The following WDPCP variants were observed in gnomAD, a reference collection of about 807,000 sequenced individuals.
The protein encoded by WDPCP is WD repeat containing planar cell polarity effector.
Under a neutral mutation model 93.1 loss-of-function variants are expected in WDPCP, and 71 were observed. That is an observed-to-expected ratio of 0.76 (90% CI 0.63 to 0.93). WDPCP has a LOEUF of 0.93. Ranked by LOEUF, WDPCP falls within the 40% of genes least tolerant of loss-of-function variation. The pLI is 0.00. For missense variants in WDPCP, 844 were observed against 887.4 expected (o/e 0.95, Z 0.62); for synonymous variants, 315 against 315.0 (o/e 1.00, Z 0.00).
chr2:63,367,711 T>C (rs4671492), intron 12 of WDPCP, among the ~76,000 whole-genome samples: 86,271 of 152,034 alleles, frequency 0.57, 24,831 homozygotes, highest in Admixed American at 0.64. Flanking sequence ...AATCAGAAAG[T>C]TATTTTTGCT....
chr2:63,571,080 A>AT (rs70965138), intron 1 of WDPCP, among the ~76,000 whole-genome samples: 7 of 149,688 alleles, frequency 4.7e-5, no homozygotes, highest in African/African-American at 7.4e-5. Flanking sequence ...AATTTTTGGT[A>AT]TTTTTTTTTT....
At chr2:63,520,459 A>T (rs960786375) in intron 1 of WDPCP, among the ~76,000 whole-genome samples, 1 of 152,214 alleles carries the variant, frequency 6.6e-6, no homozygotes, top group African/African-American at 2.4e-5. Flanking sequence ...GGTCAAAATG[A>T]AAGAAAAAAT....
intron 10 of WDPCP, among the ~76,000 whole-genome samples, chr2:63,394,039 A>G (rs756384287): frequency 7.9e-5 from 12 of 152,240 alleles, no homozygotes; most frequent in African/African-American, 1.2e-4. Context: ...AGGCGCCAAA[A>G]ACAGTTGTGA....
At chr2:63,376,007 T>A (rs1691826268) in intron 12 of WDPCP, among the ~76,000 whole-genome samples, 2 of 151,930 alleles carry the variant, frequency 1.3e-5, no homozygotes, top group South Asian at 4.1e-4. Flanking sequence ...AAATATTGAC[T>A]AGCCAAAGGA....
chr2:63,165,897 T>G (rs1325680558), intron 15 of WDPCP, among the ~76,000 whole-genome samples: 2 of 152,016 alleles, frequency 1.3e-5, no homozygotes, highest in African/African-American at 2.4e-5. Flanking sequence ...CAAAAACATT[T>G]GGATTTGATA....
the WDPCP span, among the ~76,000 whole-genome samples, chr2:63,835,347 A>C: frequency 1.6e-4 from 24 of 147,666 alleles, 1 homozygote; most frequent in East Asian, 4.5e-3. Flanking sequence ...CAGAGACTGC[A>C]CCACTTCACT....
At chr2:63,834,556 G>A in the WDPCP span, among the ~76,000 whole-genome samples, 1 of 152,200 alleles carries the variant, frequency 6.6e-6, no homozygotes, top group East Asian at 1.9e-4. Context: ...CCTGGGGCAC[G>A]CAAGTTGGGA....
At chr2:63,819,115 G>A (rs1429142298) in intron 1 of WDPCP, among the ~76,000 whole-genome samples, 2 of 152,080 alleles carry the variant, frequency 1.3e-5, no homozygotes, top group Non-Finnish European at 2.9e-5. Flanking sequence ...AACAGCTGAG[G>A]TACACTTAAT....
intron 12 of WDPCP, among the ~76,000 whole-genome samples, chr2:63,371,283 C>T (rs1292247018): frequency 6.6e-6 from 1 of 152,100 alleles, no homozygotes; most frequent in East Asian, 1.9e-4. Flanking sequence ...TCAAAATCCA[C>T]CACTCTATCT....
intron 3 of WDPCP, chr2:63,606,076 G>C (rs1411475414): frequency 6.6e-7 from 1 of 1,511,938 alleles, no homozygotes; most frequent in Non-Finnish European, 9.2e-7. Flanking sequence ...GTAGTTATAT[G>C]TTTCTCTTAA....
At chr2:63,166,536 G>A (rs192827997) in intron 15 of WDPCP, among the ~76,000 whole-genome samples, 3 of 152,126 alleles carry the variant, frequency 2.0e-5, no homozygotes, top group East Asian at 3.9e-4. Flanking sequence ...TTCCTGAGGC[G>A]TGTTCCACCA....
Position 63,437,480 on chromosome 2 carries a change from T to C in WDPCP, c.574A>G (p.Lys192Glu), listed in dbSNP as rs1181283818. 2.5e-6 allele frequency: 4 copies of C among 1,603,204 alleles called. No individual in the cohort carries two copies. The highest frequency in any genetic ancestry group is 3.4e-6 in the Non-Finnish European group (4 of 1,175,196). Reference sequence around the variant, plus strand: ...TTGTTTACATCAGAAGACTCCATCTTCTTGGTAAACTGAATAAAACATAGT... The same window carrying C: ...TTGTTTACATCAGAAGACTCCATCTCCTTGGTAAACTGAATAAAACATAGT... Reference protein sequence around the residue: ...NKLCFIQFTKKMESSDVNKRL... With the variant: ...NKLCFIQFTKEMESSDVNKRL... The change falls in exon 8 of 18, where the codon AAG becomes GAG. Residue 192 changes from lysine to glutamate, a missense_variant. Transcript: ENST00000272321.
At chr2:63,418,057 T>C (rs1490219921) in intron 9 of WDPCP, among the ~76,000 whole-genome samples, 3 of 152,006 alleles carry the variant, frequency 2.0e-5, no homozygotes, top group Admixed American at 6.6e-5. Flanking sequence ...AAGACAAAAA[T>C]ATGTGAATAT....
intron 17 of WDPCP, among the ~76,000 whole-genome samples, chr2:63,125,113 T>C (rs1669806523): frequency 6.6e-6 from 1 of 152,248 alleles, no homozygotes; most frequent in Non-Finnish European, 1.5e-5. Context: ...GTATCATATA[T>C]AGGTTTCTTT....
chr2:63,186,811 GT>G (rs34323591), intron 14 of WDPCP, among the ~76,000 whole-genome samples: 264 of 132,472 alleles, frequency 2.0e-3, no homozygotes, highest in Admixed American at 3.2e-3. Flanking sequence ...GTGTGTGTGT[GT>G]TTTTTTTTTT....
At chr2:63,508,896 A>C (rs2106069295) in intron 1 of WDPCP, among the ~76,000 whole-genome samples, 1 of 152,346 alleles carries the variant, frequency 6.6e-6, no homozygotes, top group Non-Finnish European at 1.5e-5. Flanking sequence ...TCCTAAATAT[A>C]TATGCACCCA....
intron 6 of WDPCP, among the ~76,000 whole-genome samples, chr2:63,478,539 T>A (rs1700092126): frequency 6.6e-6 from 1 of 152,160 alleles, no homozygotes; most frequent in East Asian, 1.9e-4. Context: ...CTCAAAACCA[T>A]GCAAATACAT....
intron 14 of WDPCP, among the ~76,000 whole-genome samples, chr2:63,207,680 G>A (rs191108470): frequency 5.3e-5 from 8 of 152,228 alleles, no homozygotes; most frequent in Admixed American, 4.6e-4. Flanking sequence ...AATGCTCAGA[G>A]GATTTCATTA....
intron 10 of WDPCP, among the ~76,000 whole-genome samples, chr2:63,392,258 C>G (rs563347194): frequency 6.6e-6 from 1 of 152,256 alleles, no homozygotes; most frequent in East Asian, 1.9e-4. Context: ...TGATCTTTGA[C>G]AAACCTGACA....
Sources: gnomAD v4.1 joint callset for allele counts (sites outside exome capture counted in the v4.1 genomes callset) on GRCh38, gnomAD v4.1.1 for gene constraint, MANE v1.5 for transcripts, NCBI Gene and HGNC (gene_info 2026-07-23, HGNC 2026-07-21) for gene names.